The following STXBP5L variants were observed in gnomAD, a reference collection of about 807,000 sequenced individuals.
STXBP5L encodes the protein syntaxin binding protein 5L.
A neutral mutation model predicts 144.5 loss-of-function variants in STXBP5L; 65 were observed. The ratio of observed to expected loss-of-function variants is 0.45; its 90% CI spans 0.37 to 0.55. STXBP5L has a LOEUF of 0.55. STXBP5L is among the 20% of genes least tolerant of loss of function. The pLI is 0.00. For missense variants in STXBP5L, 1,298 were observed against 1,405.5 expected (o/e 0.92, Z 1.22); for synonymous variants, 505 against 469.6 (o/e 1.08, Z -0.97).
chr3:121,141,904 A>G (rs1481187396), intron 7 of STXBP5L, among the ~76,000 whole-genome samples: 1 of 152,142 alleles, frequency 6.6e-6, no homozygotes, highest in Non-Finnish European at 1.5e-5. Flanking sequence ...TTCCCTGTCA[A>G]TAATTATTTT....
At chr3:121,389,458 T>C (rs1345574233) in intron 22 of STXBP5L, among the ~76,000 whole-genome samples, 4 of 152,238 alleles carry the variant, frequency 2.6e-5, no homozygotes, top group Non-Finnish European at 4.4e-5. Context: ...GCATCTCTAG[T>C]TCTTTTAATT....
intron 2 of STXBP5L, among the ~76,000 whole-genome samples, chr3:120,951,364 G>A (rs1576471126): frequency 6.6e-6 from 1 of 152,132 alleles, no homozygotes; most frequent in East Asian, 1.9e-4. Context: ...GAGTGAACAG[G>A]CAACCCACAA....
At chr3:121,180,567 A>C (rs1013922807) in intron 9 of STXBP5L, among the ~76,000 whole-genome samples, 11 of 152,366 alleles carry the variant, frequency 7.2e-5, no homozygotes, top group African/African-American at 2.4e-4. Context: ...AATAACTTAC[A>C]TAATGAATAG....
intron 6 of STXBP5L, 33 bp from the exon 7 acceptor site, chr3:121,121,608 G>T (rs761777874): frequency 1.3e-6 from 2 of 1,523,806 alleles, no homozygotes; most frequent in African/African-American, 1.4e-5. Flanking sequence ...TTAATGTTTG[G>T]TTTTTAATTA....
chr3:120,976,204 T>C (rs1425389006), intron 3 of STXBP5L, among the ~76,000 whole-genome samples: 3 of 152,214 alleles, frequency 2.0e-5, no homozygotes, highest in Non-Finnish European at 4.4e-5. Flanking sequence ...AGCTATTGAT[T>C]ATTGCCACAG....
intron 20 of STXBP5L, among the ~76,000 whole-genome samples, chr3:121,364,817 T>G (rs2045818031): frequency 6.6e-6 from 1 of 152,026 alleles, no homozygotes; most frequent in Admixed American, 6.6e-5. Flanking sequence ...CTAAATGTAT[T>G]TATTAGCTCT....
At chr3:121,021,069 G>A (rs180950926) in intron 3 of STXBP5L, among the ~76,000 whole-genome samples, 145 of 152,110 alleles carry the variant, frequency 9.5e-4, no homozygotes, top group African/African-American at 3.4e-3. Context: ...ATAAAGGGGT[G>A]GAAAAACATA....
At chr3:121,211,242 G>A (rs1209206161) in intron 10 of STXBP5L, among the ~76,000 whole-genome samples, 1 of 152,134 alleles carries the variant, frequency 6.6e-6, no homozygotes, top group Non-Finnish European at 1.5e-5. Flanking sequence ...TGTTATTGGT[G>A]TATAGGAATT....
chr3:120,986,841 G>A (rs963822003), intron 3 of STXBP5L, among the ~76,000 whole-genome samples: 2 of 151,830 alleles, frequency 1.3e-5, no homozygotes, highest in Admixed American at 6.6e-5. Flanking sequence ...ACAGATTTAA[G>A]CAGACAGAAG....
intron 5 of STXBP5L, among the ~76,000 whole-genome samples, chr3:121,092,428 G>A (rs888222808): frequency 1.3e-5 from 2 of 152,126 alleles, no homozygotes; most frequent in Admixed American, 6.6e-5. Context: ...CCATTTGTTT[G>A]TATCCTCTTT....
intron 22 of STXBP5L, among the ~76,000 whole-genome samples, chr3:121,389,596 A>C (rs982379138): frequency 1.1e-4 from 17 of 152,076 alleles, no homozygotes; most frequent in African/African-American, 4.1e-4. Flanking sequence ...CTTTGTTCTC[A>C]TTGGTTTCAA....
intron 20 of STXBP5L, among the ~76,000 whole-genome samples, chr3:121,373,205 G>A (rs1231609676): frequency 2.0e-5 from 3 of 152,202 alleles, no homozygotes; most frequent in Non-Finnish European, 4.4e-5. Flanking sequence ...AGGAAGCAAG[G>A]CACTCAGTTG....
At chr3:121,207,895 C>G (rs971613457) in intron 10 of STXBP5L, among the ~76,000 whole-genome samples, 9 of 152,062 alleles carry the variant, frequency 5.9e-5, no homozygotes, top group Non-Finnish European at 1.2e-4. Context: ...GGACTGTAAA[C>G]TAGTTCAACC....
chr3:121,313,334 G>T (rs1386410452), intron 19 of STXBP5L, among the ~76,000 whole-genome samples: 1 of 138,430 alleles, frequency 7.2e-6, no homozygotes, highest in African/African-American at 2.8e-5. Flanking sequence ...GCGGCTGGCC[G>T]GGCGGGGGGC....
chr3:121,025,563 C>A (rs1013118000), intron 3 of STXBP5L, among the ~76,000 whole-genome samples: 2 of 151,912 alleles, frequency 1.3e-5, no homozygotes, highest in Admixed American at 1.3e-4. Flanking sequence ...TTTTACTGTT[C>A]CATATATTTC....
intron 19 of STXBP5L, among the ~76,000 whole-genome samples, chr3:121,286,072 A>G (rs923209304): frequency 6.6e-6 from 1 of 152,146 alleles, no homozygotes; most frequent in Non-Finnish European, 1.5e-5. Flanking sequence ...CATTTGAATC[A>G]AGGGAAGTTT....
chr3:121,328,877 G>T (rs1444600051), intron 20 of STXBP5L, among the ~76,000 whole-genome samples: 3 of 151,846 alleles, frequency 2.0e-5, no homozygotes, highest in Non-Finnish European at 4.4e-5. Context: ...CTCCTAATAG[G>T]GGCACTACTG....
intron 3 of STXBP5L, among the ~76,000 whole-genome samples, chr3:120,993,196 T>G (rs1943065893): frequency 6.6e-6 from 1 of 152,048 alleles, no homozygotes; most frequent in African/African-American, 2.4e-5. Flanking sequence ...GTTCCTTATA[T>G]ACTCTGGATA....
chr3:121,171,199 G>A (rs566797660), intron 9 of STXBP5L, among the ~76,000 whole-genome samples: 1 of 152,228 alleles, frequency 6.6e-6, no homozygotes, highest in South Asian at 2.1e-4. Flanking sequence ...AGGAATTGAT[G>A]GAACGTAACT....
Sources: gnomAD v4.1 joint callset for allele counts (sites outside exome capture counted in the v4.1 genomes callset) on GRCh38, gnomAD v4.1.1 for gene constraint, MANE v1.5 for transcripts, NCBI Gene and HGNC (gene_info 2026-07-23, HGNC 2026-07-21) for gene names.